The following SRPK1 variants were observed in gnomAD, a reference collection of about 807,000 sequenced individuals.
SRPK1 encodes SRSF protein kinase 1.
In SRPK1, 52 loss-of-function variants were observed where a neutral mutation model predicts 89.5. That is an observed-to-expected ratio of 0.58 (90% CI 0.46 to 0.73). SRPK1 has a LOEUF of 0.73. Ranked by LOEUF, SRPK1 falls within the 30% of genes least tolerant of loss-of-function variation. The pLI is 0.00. For missense variants in SRPK1, 603 were observed against 780.6 expected (o/e 0.77, Z 2.71); for synonymous variants, 255 against 270.2 (o/e 0.94, Z 0.55).
Position 35,839,637 on chromosome 6 carries a change from C to G in SRPK1, c.1691-1208G>C, listed in dbSNP as rs114742444. 1.6e-3 allele frequency among the ~76,000 whole-genome samples: 220 copies of G among 137,618 alleles called. 1 individual carries two copies. The highest frequency in any genetic ancestry group is 2.7e-3 in the Non-Finnish European group (164 of 61,288). 90.3% of individuals were successfully genotyped at this position (137,618 alleles called of 152,430 possible). ...ACCTCAGGTAGATCTACTGCCCCCC[C>G]CCTTTTTTTTTTCTCTCTGCAGGTG... On this transcript the variant is annotated intron_variant, in intron 14 of 15. Coordinates refer to ENST00000373825, the MANE Select transcript of SRPK1 (RefSeq NM_003137.5).
At chr6:35,908,167 A>G (rs764476821) in intron 2 of SRPK1, among the ~76,000 whole-genome samples, 3 of 152,180 alleles carry the variant, frequency 2.0e-5, no homozygotes, top group Non-Finnish European at 2.9e-5. Flanking sequence ...GGTACCACAG[A>G]GAGTGGGGTA....
intron 2 of SRPK1, among the ~76,000 whole-genome samples, chr6:35,899,773 G>A (rs1770703789): frequency 6.6e-6 from 1 of 152,070 alleles, no homozygotes; most frequent in African/African-American, 2.4e-5. Context: ...AAGCCGAGGC[G>A]GGTGTATCAC....
At chr6:35,852,245 G>C (rs1192615891) in intron 13 of SRPK1, among the ~76,000 whole-genome samples, 1 of 152,122 alleles carries the variant, frequency 6.6e-6, no homozygotes, top group African/African-American at 2.4e-5. Flanking sequence ...CTTGAATACA[G>C]CAAATACCCA....
chr6:35,906,927 A>T (rs1442079937), intron 2 of SRPK1, among the ~76,000 whole-genome samples: 1 of 152,234 alleles, frequency 6.6e-6, no homozygotes, highest in Non-Finnish European at 1.5e-5. Flanking sequence ...CATGCTAGGG[A>T]TCTGTCAACT....
intron 2 of SRPK1, among the ~76,000 whole-genome samples, chr6:35,898,391 G>A (rs1356594069): frequency 6.6e-6 from 1 of 152,102 alleles, no homozygotes; most frequent in Non-Finnish European, 1.5e-5. Flanking sequence ...AAGATTGGGG[G>A]GTTAGGGATA....
chr6:35,916,776 A>G (rs1771112344), intron 2 of SRPK1, among the ~76,000 whole-genome samples: 1 of 152,228 alleles, frequency 6.6e-6, no homozygotes, highest in Non-Finnish European at 1.5e-5. Flanking sequence ...ACAGACATAT[A>G]GGTCAGGCAC....
At chr6:35,854,805 C>A (rs1769633619) in intron 13 of SRPK1, among the ~76,000 whole-genome samples, 1 of 152,096 alleles carries the variant, frequency 6.6e-6, no homozygotes, top group Non-Finnish European at 1.5e-5. Context: ...AAATCAGATG[C>A]CATCTATTAA....
intron 15 of SRPK1, among the ~76,000 whole-genome samples, chr6:35,835,731 T>C (rs1769164779): frequency 6.6e-6 from 1 of 152,172 alleles, no homozygotes; most frequent in South Asian, 2.1e-4. Context: ...TAGGATTTTT[T>C]TGGTCCCAGT....
rs1292441209 is a variant in SRPK1 at position 35,870,504 on chromosome 6, G to A, written c.778-10C>T. On this transcript the variant is annotated splice_polypyrimidine_tract_variant and intron_variant, in intron 9 of 15. Transcript: ENST00000373825. ...TTGACATTTTGTCAGCCTGGGCGGA[G>A]ATTACAAACAGATAAAGCCTTCAGG... 2 of 1,549,278 alleles carry A rather than the reference G, an allele frequency of 1.3e-6. No homozygotes were observed. The highest frequency in any genetic ancestry group is 8.7e-7 in the Non-Finnish European group (1 of 1,146,736).
chr6:35,844,005 GTTTTT>G (rs35051574), intron 13 of SRPK1, among the ~76,000 whole-genome samples: 1 of 125,706 alleles, frequency 8.0e-6, no homozygotes, highest in African/African-American at 3.0e-5. Context: ...CACAACAGCA[GTTTTT>G]TTTTTTTTTT....
At chr6:35,839,634 C>G (rs2817030) in intron 14 of SRPK1, among the ~76,000 whole-genome samples, 9,575 of 135,706 alleles carry the variant, frequency 0.071, 902 homozygotes, top group African/African-American at 0.23. Flanking sequence ...TCTACTGCCC[C>G]CCCCCTTTTT....
chr6:35,877,507 T>C (rs1011150850), intron 6 of SRPK1, among the ~76,000 whole-genome samples: 2 of 152,208 alleles, frequency 1.3e-5, no homozygotes, highest in African/African-American at 2.4e-5. Context: ...GTATTCCATA[T>C]GTTCAAAAAA....
intron 13 of SRPK1, among the ~76,000 whole-genome samples, chr6:35,856,322 T>G (rs1769665570): frequency 6.6e-6 from 1 of 151,846 alleles, no homozygotes; most frequent in Non-Finnish European, 1.5e-5. Flanking sequence ...CTTTCCCCTA[T>G]GTGTCCTGAT....
chr6:35,920,877 C>A, intron 1 of SRPK1, 167 bp downstream of exon 1: 1 of 671,922 alleles, frequency 1.5e-6, no homozygotes, highest in South Asian at 2.3e-5. Context: ...CTGAGGGGCG[C>A]GGACCCGCAG....
intron 13 of SRPK1, among the ~76,000 whole-genome samples, chr6:35,845,290 T>C (rs139153640): frequency 4.7e-4 from 71 of 152,358 alleles, no homozygotes; most frequent in African/African-American, 1.5e-3. Flanking sequence ...GTAGGTTCAT[T>C]GTTTGTAACA....
chr6:35,882,179 A>C lies in SRPK1; in HGVS notation c.478+4545T>G, dbSNP rs533958640. ...GTAGTAGTAGCAGCAGCAGCAGAAG[A>C]AGAAGAAGACAAAAAGAAAATAAAG... On this transcript the variant is annotated intron_variant, in intron 6 of 15. Coordinates refer to ENST00000373825, the MANE Select transcript of SRPK1 (RefSeq NM_003137.5). Among the ~76,000 whole-genome samples, 359 of 148,900 alleles carry C rather than the reference A, an allele frequency of 2.4e-3. 1 individual carries two copies. Among genetic ancestry groups the C allele is most frequent in the African/African-American group, 8.6e-3 (344 of 39,862 alleles).
chr6:35,835,721 T>C (rs1226645054), intron 15 of SRPK1, among the ~76,000 whole-genome samples: 1 of 152,168 alleles, frequency 6.6e-6, no homozygotes, highest in Non-Finnish European at 1.5e-5. Context: ...TCCCCTATTC[T>C]AGGATTTTTT....
At chr6:35,877,980 C>T (rs1770193167) in intron 6 of SRPK1, among the ~76,000 whole-genome samples, 1 of 152,042 alleles carries the variant, frequency 6.6e-6, no homozygotes, top group South Asian at 2.1e-4. Flanking sequence ...GGCACAGCAA[C>T]AGAATTAGTC....
At chr6:35,843,833 C>G (rs540407764) in intron 13 of SRPK1, among the ~76,000 whole-genome samples, 1 of 152,184 alleles carries the variant, frequency 6.6e-6, no homozygotes, top group East Asian at 1.9e-4. Context: ...TCAGCACTCC[C>G]TAATTAGGAA....
Sources: allele counts gnomAD v4.1 joint callset (sites outside exome capture counted in the v4.1 genomes callset), GRCh38; gene constraint gnomAD v4.1.1; transcripts MANE v1.5; gene names NCBI Gene and HGNC (gene_info 2026-07-23, HGNC 2026-07-21).